The following DPYD variants were observed in gnomAD, a reference collection of about 807,000 sequenced individuals.
DPYD encodes the protein dihydropyrimidine dehydrogenase [NADP(+)].
In DPYD, 109 loss-of-function variants were observed where a neutral mutation model predicts 116.2. The ratio of observed to expected loss-of-function variants is 0.94; its 90% CI spans 0.80 to 1.10. The LOEUF (loss-of-function observed/expected upper bound fraction) is 1.10, where lower values mean the gene tolerates loss of function less well. Ranked by LOEUF, DPYD falls within the 50% of genes least tolerant of loss-of-function variation. The pLI, the probability that DPYD is intolerant of heterozygous loss-of-function variation, is 0.00. For synonymous variants in DPYD, 440 were observed against 432.0 expected (o/e 1.02, Z -0.23); for missense variants, 1,302 against 1,254.5 (o/e 1.04, Z -0.57).
chr1:97,336,135 C>T (rs1345704202), intron 16 of DPYD, among the ~76,000 whole-genome samples: 1 of 152,156 alleles, frequency 6.6e-6, no homozygotes, highest in Non-Finnish European at 1.5e-5. Flanking sequence ...CACAGAATGA[C>T]TCAATAATAG....
Position 97,297,315 on chromosome 1 carries a change from A to G in DPYD, c.2299+7944T>C, listed in dbSNP as rs151036039. ...ACCCTGGCAGTCTCCACCTTCAAGT[A>G]TCAGACACCATGTATGTGTCTCAAA... On this transcript the variant is annotated intron_variant, in intron 18 of 22. Transcript: ENST00000370192. Among the ~76,000 whole-genome samples the G allele has an allele frequency of 4.3e-3, 648 of 152,318 alleles. 11 individuals are homozygous for G. The highest frequency in any genetic ancestry group is 0.015 in the African/African-American group (622 of 41,576).
intron 18 of DPYD, among the ~76,000 whole-genome samples, chr1:97,253,078 A>T (rs1406233207): frequency 6.6e-6 from 1 of 152,176 alleles, no homozygotes; most frequent in Non-Finnish European, 1.5e-5. Context: ...GAAACATATT[A>T]TGATTGCCAA....
intron 12 of DPYD, among the ~76,000 whole-genome samples, chr1:97,534,567 A>AT (rs1396462699): frequency 2.6e-5 from 4 of 152,076 alleles, no homozygotes; most frequent in African/African-American, 7.2e-5. Flanking sequence ...TTTTTCTTTT[A>AT]TTTTTTATGG....
chr1:97,538,196 A>G (rs1366788371), intron 12 of DPYD, among the ~76,000 whole-genome samples: 1 of 152,182 alleles, frequency 6.6e-6, no homozygotes. Flanking sequence ...GAATCCACCA[A>G]AAGGAAGCTC....
chr1:97,229,631 A>T (rs888931984), intron 19 of DPYD, among the ~76,000 whole-genome samples: 5 of 147,014 alleles, frequency 3.4e-5, no homozygotes, highest in African/African-American at 1.2e-4. Context: ...GGTTAAAAAA[A>T]CATGTTCTGG....
chr1:97,124,214 C>A (rs1183127494), intron 20 of DPYD, among the ~76,000 whole-genome samples: 5 of 151,986 alleles, frequency 3.3e-5, no homozygotes, highest in Non-Finnish European at 7.4e-5. Context: ...ATGCCCTCCA[C>A]CCCCGCCCTG....
chr1:97,280,878 A>G (rs930355468), intron 18 of DPYD, among the ~76,000 whole-genome samples: 2 of 152,162 alleles, frequency 1.3e-5, no homozygotes, highest in Admixed American at 6.5e-5. Flanking sequence ...AGATACCTCG[A>G]AGATTTTAAA....
chr1:97,670,393 C>A (rs944446262), intron 8 of DPYD, among the ~76,000 whole-genome samples: 2 of 152,112 alleles, frequency 1.3e-5, no homozygotes, highest in South Asian at 4.1e-4. Flanking sequence ...GAAGGTGGGG[C>A]CCCCATCATG....
rs185466321 is a variant in DPYD at position 97,209,042 on chromosome 1, T to C, written c.2443-15794A>G. ...TCCAGGACCAAAATGATCATATCTT[T>C]GTTGTAAACAATTAACTTAATCACA... is the stretch of plus-strand genomic sequence containing the variant. On this transcript the variant is annotated intron_variant, in intron 19 of 22. Transcript: ENST00000370192. Among the ~76,000 whole-genome samples, 602 of 152,262 alleles carry C rather than the reference T, an allele frequency of 4.0e-3. 14 individuals are homozygous for C. Among genetic ancestry groups the C allele is most frequent in the Admixed American group, 0.032 (493 of 15,278 alleles).
chr1:97,586,466 A>AT (rs1654114195), intron 10 of DPYD, among the ~76,000 whole-genome samples: 1 of 886 alleles, frequency 1.1e-3, no homozygotes, highest in African/African-American at 5.4e-3. Context: ...ACATACATAC[A>AT]TATATATATA....
At chr1:97,518,479 G>C (rs911058479) in intron 12 of DPYD, among the ~76,000 whole-genome samples, 2 of 152,012 alleles carry the variant, frequency 1.3e-5, no homozygotes, top group African/African-American at 4.8e-5. Flanking sequence ...CCCTTGCTCA[G>C]AGAACTCAAG....
chr1:97,162,840 A>C (rs1258372976), intron 20 of DPYD, among the ~76,000 whole-genome samples: 1 of 151,742 alleles, frequency 6.6e-6, no homozygotes, highest in South Asian at 2.1e-4. Flanking sequence ...ATCTACAACT[A>C]TCTGATCTTT....
At chr1:97,824,966 T>C (rs1438540988) in intron 3 of DPYD, among the ~76,000 whole-genome samples, 1 of 152,214 alleles carries the variant, frequency 6.6e-6, no homozygotes, top group Non-Finnish European at 1.5e-5. Flanking sequence ...ATTTTCCCTC[T>C]GCCTATTGCA....
chr1:97,817,709 C>T (rs1290082265), intron 3 of DPYD, among the ~76,000 whole-genome samples: 1 of 151,992 alleles, frequency 6.6e-6, no homozygotes, highest in Non-Finnish European at 1.5e-5. Flanking sequence ...TAATTTTCCA[C>T]TTGTAAAAGC....
intron 20 of DPYD, among the ~76,000 whole-genome samples, chr1:97,107,184 C>T (rs1284121619): frequency 6.6e-6 from 1 of 152,100 alleles, no homozygotes; most frequent in Non-Finnish European, 1.5e-5. Context: ...TCTATTTCCA[C>T]CTCTTTGTTG....
chr1:97,658,686 T>C (rs1039051084), intron 8 of DPYD, among the ~76,000 whole-genome samples: 5 of 152,138 alleles, frequency 3.3e-5, no homozygotes, highest in African/African-American at 1.2e-4. Context: ...ATGTCCAGTC[T>C]CATCACTTTT....
At chr1:97,356,063 C>A (rs1670412769) in intron 16 of DPYD, among the ~76,000 whole-genome samples, 2 of 152,112 alleles carry the variant, frequency 1.3e-5, no homozygotes, top group African/African-American at 4.8e-5. Flanking sequence ...TGCCAGGGCT[C>A]CCTTTTCTCT....
At chr1:97,751,452 G>GTATATATA (rs1557933124) in intron 3 of DPYD, among the ~76,000 whole-genome samples, 2 of 33,136 alleles carry the variant, frequency 6.0e-5, no homozygotes, top group African/African-American at 2.0e-4. Flanking sequence ...GTGTGTGTGT[G>GTATATATA]TGTGTGTGTA....
intron 2 of DPYD, among the ~76,000 whole-genome samples, chr1:97,861,686 C>T (rs926970445): frequency 6.6e-6 from 1 of 151,820 alleles, no homozygotes; most frequent in Non-Finnish European, 1.5e-5. Flanking sequence ...AGATTCATCC[C>T]TTACTAGTAA....
Sources: allele counts gnomAD v4.1 joint callset (sites outside exome capture counted in the v4.1 genomes callset), GRCh38; gene constraint gnomAD v4.1.1; transcripts MANE v1.5; gene names NCBI Gene and HGNC (gene_info 2026-07-23, HGNC 2026-07-21).